ADARB2: variants seen among roughly 807,000 people sequenced by gnomAD.
ADARB2 encodes adenosine deaminase RNA specific B2 (inactive), also known as inactive double-stranded RNA-specific editase B2.
ADARB2 carries 25 observed loss-of-function variants against 62.2 expected under a neutral mutation model. The observed-to-expected ratio is 0.40, with a 90% CI of 0.29 to 0.56. The LOEUF is 0.56. Ranked by LOEUF, ADARB2 falls within the 20% of genes least tolerant of loss-of-function variation. The probability of loss-of-function intolerance (pLI) is 0.43; values close to 1 mark genes in which losing one functional copy is unlikely to be tolerated. For missense variants in ADARB2, 1,071 were observed against 1,077.4 expected (o/e 0.99, Z 0.08); for synonymous variants, 572 against 500.8 (o/e 1.14, Z -1.90).
Position 1,512,996 on chromosome 10 carries a change from G to A in ADARB2, c.101-133836C>T, listed in dbSNP as rs191849773. Among the ~76,000 whole-genome samples, 281 of 152,294 alleles carry A rather than the reference G, an allele frequency of 1.8e-3. 2 individuals carry two copies. The highest frequency in any genetic ancestry group is 6.0e-3 in the South Asian group (29 of 4,824). On this transcript the variant is annotated intron_variant, in intron 1 of 9. Coordinates refer to ENST00000381312, the MANE Select transcript of ADARB2 (RefSeq NM_018702.4). ...GGGAGAGTGACGATGTCTGGAGAGC[G>A]AACGTGAAGAATGAAGACTACAGCT...
chr10:1,379,211 A>C, intron 1 of ADARB2, 51 bp from the exon 2 acceptor site: 3 of 1,440,692 alleles, frequency 2.1e-6, no homozygotes, highest in Non-Finnish European at 2.9e-6. Context: ...TTGCGGAAAA[A>C]CTCAATGCTT....
At chr10:1,348,569 C>T (rs766323656) in intron 3 of ADARB2, among the ~76,000 whole-genome samples, 5 of 152,198 alleles carry the variant, frequency 3.3e-5, no homozygotes, top group Non-Finnish European at 7.3e-5. Flanking sequence ...CTCCCTGCAG[C>T]TCTGCCCCCT....
chr10:1,313,627 A>G (rs372938211), intron 3 of ADARB2, among the ~76,000 whole-genome samples: 2 of 151,918 alleles, frequency 1.3e-5, no homozygotes, highest in African/African-American at 4.8e-5. Context: ...AACAGGGCAC[A>G]GGGTTACCTC....
intron 3 of ADARB2, among the ~76,000 whole-genome samples, chr10:1,327,290 C>A (rs1421424879): frequency 1.1e-3 from 39 of 36,162 alleles, no homozygotes; most frequent in African/African-American, 2.4e-3. Context: ...TCCTCACTGC[C>A]CAGCGCCTCC....
intron 3 of ADARB2, among the ~76,000 whole-genome samples, chr10:1,285,142 T>A (rs1229989757): frequency 7.2e-6 from 1 of 139,008 alleles, no homozygotes. Context: ...TTTTTATATA[T>A]GAAAAAGAGA....
intron 3 of ADARB2, among the ~76,000 whole-genome samples, chr10:1,336,996 T>C (rs1477420810): frequency 6.6e-6 from 1 of 152,012 alleles, no homozygotes; most frequent in African/African-American, 2.4e-5. Context: ...GGACAGGAGA[T>C]TAATGGACTG....
At chr10:1,449,345 C>A (rs1285098063) in intron 1 of ADARB2, among the ~76,000 whole-genome samples, 1 of 152,184 alleles carries the variant, frequency 6.6e-6, no homozygotes, top group East Asian at 1.9e-4. Context: ...CGTGACCCAT[C>A]CTGTATCAGC....
chr10:1,564,437 G>A (rs1439558147), intron 1 of ADARB2, among the ~76,000 whole-genome samples: 1 of 152,138 alleles, frequency 6.6e-6, no homozygotes, highest in African/African-American at 2.4e-5. Context: ...AAGAGCTTCT[G>A]CACAGCAAAA....
chr10:1,328,996 TA>T (rs376461606), intron 3 of ADARB2, among the ~76,000 whole-genome samples: 6,791 of 75,434 alleles, frequency 0.09, 177 homozygotes, highest in East Asian at 0.12. Flanking sequence ...GACCCTGTCT[TA>T]AAAAAAAAAA....
intron 1 of ADARB2, among the ~76,000 whole-genome samples, chr10:1,488,491 GC>G (rs1831573460): frequency 6.6e-6 from 1 of 152,142 alleles, no homozygotes; most frequent in South Asian, 2.1e-4. Context: ...TAGACAAGTG[GC>G]CAAATTGCCC....
intron 1 of ADARB2, among the ~76,000 whole-genome samples, chr10:1,546,287 G>T (rs781291254): frequency 1.3e-5 from 2 of 152,230 alleles, no homozygotes; most frequent in Non-Finnish European, 2.9e-5. Flanking sequence ...CCAGTGATTG[G>T]CTTTCCGTGC....
chr10:1,309,960 G>A (rs757149214), intron 3 of ADARB2, among the ~76,000 whole-genome samples: 3 of 152,240 alleles, frequency 2.0e-5, no homozygotes, highest in African/African-American at 4.8e-5. Context: ...CGTCTTCAGC[G>A]TCTTCCATCC....
At chr10:1,702,777 A>T (rs11250748) in intron 1 of ADARB2, among the ~76,000 whole-genome samples, 1 of 152,194 alleles carries the variant, frequency 6.6e-6, no homozygotes, top group Admixed American at 6.5e-5. Flanking sequence ...AGTTCAGACA[A>T]GATCTCAGAC....
chr10:1,463,622 A>T (rs1342120896), intron 1 of ADARB2, among the ~76,000 whole-genome samples: 4 of 152,250 alleles, frequency 2.6e-5, no homozygotes, highest in African/African-American at 9.6e-5. Flanking sequence ...CCCAGACATG[A>T]TTCTGTCTCA....
intron 7 of ADARB2, among the ~76,000 whole-genome samples, chr10:1,208,574 G>T (rs112766378): frequency 2.8e-4 from 43 of 152,344 alleles, no homozygotes; most frequent in African/African-American, 9.9e-4. Context: ...GCCCTGGGCG[G>T]ACTGAGGTGC....
At chr10:1,199,214 AC>A (rs35859427) in intron 8 of ADARB2, among the ~76,000 whole-genome samples, 2 of 150,582 alleles carry the variant, frequency 1.3e-5, no homozygotes, top group Non-Finnish European at 3.0e-5. Context: ...TCGGAAACCC[AC>A]CCCCCCGCTT....
chr10:1,471,350 T>C (rs938908345), intron 1 of ADARB2, among the ~76,000 whole-genome samples: 1 of 152,140 alleles, frequency 6.6e-6, no homozygotes. Flanking sequence ...TCAGTTTTAT[T>C]TGGTGGGGGG....
chr10:1,600,894 A>G (rs956272568), intron 1 of ADARB2, among the ~76,000 whole-genome samples: 1 of 152,076 alleles, frequency 6.6e-6, no homozygotes, highest in East Asian at 1.9e-4. Context: ...ATGGCATTCT[A>G]TGGTGGAGAG....
intron 3 of ADARB2, among the ~76,000 whole-genome samples, chr10:1,344,225 A>G (rs75454859): frequency 0.04 from 6,059 of 152,274 alleles, 136 homozygotes; most frequent in South Asian, 0.098. Flanking sequence ...TTACTCATCA[A>G]ACCATCAGAC....
Sources: gnomAD v4.1 joint callset for allele counts (sites outside exome capture counted in the v4.1 genomes callset) on GRCh38, gnomAD v4.1.1 for gene constraint, MANE v1.5 for transcripts, NCBI Gene and HGNC (gene_info 2026-07-23, HGNC 2026-07-21) for gene names.